Variants in MAP4K3 observed in about 807,000 individuals in gnomAD.
MAP4K3 encodes mitogen-activated protein kinase kinase kinase kinase 3, also known as MAPK/ERK kinase kinase kinase 3.
MAP4K3 carries 94 observed loss-of-function variants against 143.5 expected under a neutral mutation model. The observed-to-expected ratio is 0.65, with a 90% CI of 0.55 to 0.78. The LOEUF (loss-of-function observed/expected upper bound fraction) is 0.78, where lower values mean the gene tolerates loss of function less well. MAP4K3 is among the 30% of genes least tolerant of loss of function. The probability of loss-of-function intolerance (pLI) is 0.00; values close to 1 mark genes in which losing one functional copy is unlikely to be tolerated. For missense variants in MAP4K3, 1,077 were observed against 1,068.1 expected (o/e 1.01, Z -0.12); for synonymous variants, 416 against 347.2 (o/e 1.20, Z -2.20).
At chr2:39,374,853 T>C (rs756012339) in intron 2 of MAP4K3, among the ~76,000 whole-genome samples, 1 of 151,914 alleles carries the variant, frequency 6.6e-6, no homozygotes, top group Non-Finnish European at 1.5e-5. Flanking sequence ...TTATCAGCTG[T>C]AAAAAAAGGA....
At chr2:39,394,903 T>G (rs1447335821) in intron 1 of MAP4K3, among the ~76,000 whole-genome samples, 1 of 152,180 alleles carries the variant, frequency 6.6e-6, no homozygotes, top group East Asian at 1.9e-4. Flanking sequence ...GGGGCTTTCC[T>G]GTGCATCAGA....
chr2:39,274,169 T>G (rs959630790), intron 24 of MAP4K3, among the ~76,000 whole-genome samples: 2 of 152,000 alleles, frequency 1.3e-5, no homozygotes, highest in Admixed American at 1.3e-4. Flanking sequence ...GGTATTTATG[T>G]ATAGTTTTAT....
intron 1 of MAP4K3, among the ~76,000 whole-genome samples, chr2:39,379,152 T>C (rs1420381935): frequency 6.6e-6 from 1 of 152,164 alleles, no homozygotes; most frequent in East Asian, 1.9e-4. Context: ...GTGAATCACC[T>C]GGCAAGAGAT....
chr2:39,353,729 G>T (rs1017878874), intron 3 of MAP4K3, among the ~76,000 whole-genome samples: 2 of 151,832 alleles, frequency 1.3e-5, no homozygotes, highest in African/African-American at 2.4e-5. Flanking sequence ...TTAAGAAGTA[G>T]TAGTAGTAGC....
At chr2:39,399,797 C>T (rs145114348) in intron 1 of MAP4K3, among the ~76,000 whole-genome samples, 1 of 152,252 alleles carries the variant, frequency 6.6e-6, no homozygotes, top group East Asian at 1.9e-4. Context: ...TACAAGCATA[C>T]ATTTTAGTGT....
rs148746865 is a variant in MAP4K3 at position 39,347,872 on chromosome 2, G to C, written c.246-4420C>G. ...GATTAGAAATTTATCCTAGAGCTTT[G>C]CTAGTGATCAATGAGTGATATCAAC... On this transcript the variant is annotated intron_variant, in intron 3 of 33. Coordinates refer to ENST00000263881, the MANE Select transcript of MAP4K3 (RefSeq NM_003618.4). Among the ~76,000 whole-genome samples, 565 of 151,994 alleles carry C rather than the reference G, an allele frequency of 3.7e-3. 4 individuals are homozygous for C. Among genetic ancestry groups the C allele is most frequent in the Middle Eastern group, 0.02 (6 of 294 alleles).
intron 1 of MAP4K3, among the ~76,000 whole-genome samples, chr2:39,419,847 T>C (rs1667495981): frequency 6.6e-6 from 1 of 152,224 alleles, no homozygotes; most frequent in Admixed American, 6.5e-5. Flanking sequence ...TATTCTCTGC[T>C]CAATGCTTTT....
At position 39,378,134 on chromosome 2, in the gene MAP4K3, G is replaced by C; in HGVS notation, c.97-11C>G. ...GTTAACATTCCGTGCCTAAAAGAAAGAGGAAAAAAGGATTATTGTGAAGAA... is the reference window on the plus strand; with the variant it reads ...GTTAACATTCCGTGCCTAAAAGAAACAGGAAAAAAGGATTATTGTGAAGAA... On this transcript the variant is annotated splice_polypyrimidine_tract_variant and intron_variant, in intron 1 of 33. Coordinates refer to ENST00000263881, the MANE Select transcript of MAP4K3 (RefSeq NM_003618.4). 6.5e-7 allele frequency: 1 copy of C among 1,529,020 alleles called. No homozygotes were observed. The highest frequency in any genetic ancestry group is 8.9e-7 in the Non-Finnish European group (1 of 1,122,342). The allele number at this position is 1,529,020 out of a possible 1,614,324, so 94.7% of individuals were successfully genotyped here. A position where few individuals can be genotyped will look rare whatever the true frequency, so the allele number is the denominator to read the frequency against.
rs1029795198 is a variant in MAP4K3, at chr2:39,328,733, CCTGA to C, written c.531-2460_531-2457del. On this transcript the variant is annotated intron_variant, in intron 8 of 33. Transcript: ENST00000263881. The stretch of plus-strand genomic sequence containing the variant: ...AAGGGTAAATTTATGCCTCAATAAA[CCTGA>C]CTAAGAAATGTAGTTGATGCATTGG... 1.9e-4 allele frequency among the ~76,000 whole-genome samples: 29 copies of C among 152,164 alleles called. 1 individual carries two copies. The highest frequency in any genetic ancestry group is 1.9e-3 in the Admixed American group (29 of 15,288).
chr2:39,351,211 G>A (rs1573185543), intron 3 of MAP4K3, among the ~76,000 whole-genome samples: 1 of 152,296 alleles, frequency 6.6e-6, no homozygotes, highest in African/African-American at 2.4e-5. Flanking sequence ...GCTCTAATGT[G>A]AGACCAGTAG....
chr2:39,429,998 G>A (rs1370827593), intron 1 of MAP4K3, among the ~76,000 whole-genome samples: 1 of 152,168 alleles, frequency 6.6e-6, no homozygotes, highest in African/African-American at 2.4e-5. Flanking sequence ...CATGGTGACC[G>A]AAAGGAGAAC....
intron 18 of MAP4K3, 24 bp downstream of exon 18, chr2:39,292,749 A>C: frequency 6.2e-7 from 1 of 1,605,458 alleles, no homozygotes; most frequent in Non-Finnish European, 8.5e-7. Flanking sequence ...TTTTCTTTTT[A>C]CCAAAAACAG....
chr2:39,324,790 G>C (rs779149801), intron 12 of MAP4K3, among the ~76,000 whole-genome samples: 2 of 152,136 alleles, frequency 1.3e-5, no homozygotes, highest in Non-Finnish European at 2.9e-5. Context: ...GCAGTGCTAG[G>C]AATGTTACAT....
At chr2:39,282,433 C>G (rs375102576) in intron 22 of MAP4K3, 80 bp downstream of exon 22, 12 of 1,163,992 alleles carry the variant, frequency 1.0e-5, no homozygotes, top group Non-Finnish European at 1.5e-5. Context: ...TTCTTTCAAA[C>G]AGACAAAAAA....
chr2:39,355,231 C>T (rs1395144233), intron 3 of MAP4K3, among the ~76,000 whole-genome samples: 3 of 151,880 alleles, frequency 2.0e-5, no homozygotes, highest in African/African-American at 7.3e-5. Flanking sequence ...CGTGGTGCCA[C>T]GTGGCTGCAG....
chr2:39,287,192 A>G (rs774308737), intron 20 of MAP4K3, among the ~76,000 whole-genome samples: 3 of 152,194 alleles, frequency 2.0e-5, no homozygotes, highest in Non-Finnish European at 4.4e-5. Flanking sequence ...CAGGTTGTGT[A>G]TAAGTGCATG....
chr2:39,432,805 CACAG>C (rs895767321), intron 1 of MAP4K3, among the ~76,000 whole-genome samples: 1 of 152,180 alleles, frequency 6.6e-6, no homozygotes, highest in Non-Finnish European at 1.5e-5. Context: ...TGCCAGCTTT[CACAG>C]ACACTTTAAA....
chr2:39,263,117 A>T (rs553396359), intron 28 of MAP4K3, among the ~76,000 whole-genome samples: 5 of 152,120 alleles, frequency 3.3e-5, no homozygotes, highest in Non-Finnish European at 4.4e-5. Context: ...CAGTCTAATG[A>T]TGCAAAAACT....
At chr2:39,304,131 C>T (rs1001844334) in intron 15 of MAP4K3, among the ~76,000 whole-genome samples, 38 of 144,704 alleles carry the variant, frequency 2.6e-4, no homozygotes, top group African/African-American at 7.7e-4. Context: ...CTTCTGGCTT[C>T]ATATATTAAT....
Sources: allele counts gnomAD v4.1 joint callset (sites outside exome capture counted in the v4.1 genomes callset), GRCh38; gene constraint gnomAD v4.1.1; transcripts MANE v1.5; gene names NCBI Gene and HGNC (gene_info 2026-07-23, HGNC 2026-07-21).